The following ZBTB10 variants were observed in gnomAD, a reference collection of about 807,000 sequenced individuals.
ZBTB10 encodes zinc finger and BTB domain-containing protein 10.
A neutral mutation model predicts 76.4 loss-of-function variants in ZBTB10; 32 were observed. That is an observed-to-expected ratio of 0.42 (90% CI 0.32 to 0.56). The LOEUF (loss-of-function observed/expected upper bound fraction) is 0.56, where lower values mean the gene tolerates loss of function less well. ZBTB10 is among the 20% of genes least tolerant of loss of function. The probability of loss-of-function intolerance (pLI) is 0.14; values close to 1 mark genes in which losing one functional copy is unlikely to be tolerated. For synonymous variants in ZBTB10, 523 were observed against 432.9 expected (o/e 1.21, Z -2.58); for missense variants, 1,057 against 1,098.5 (o/e 0.96, Z 0.53).
At position 80,517,871 on chromosome 8, in the gene ZBTB10, C is replaced by CTTTTT. The variant is rs773074047; in HGVS notation, c.1961-511_1961-507dup. On this transcript the variant is annotated intron_variant, in intron 3 of 5. Transcript: ENST00000455036. ...CATGTTTTTTTCTCCCGCCCGCCAC[C>CTTTTT]TTTTTTTTTTTTTTTTTTTTTTTTT... Among the ~76,000 whole-genome samples, 407 of 76,836 alleles carry CTTTTT rather than the reference C, an allele frequency of 5.3e-3. 31 individuals are homozygous for CTTTTT. The highest frequency in any genetic ancestry group is 0.021 in the African/African-American group (350 of 16,580). The allele number at this position is 76,836 out of a possible 152,430, so 50.4% of individuals were successfully genotyped here. A position where few individuals can be genotyped will look rare whatever the true frequency, so the allele number is the denominator to read the frequency against.
intron 1 of ZBTB10, among the ~76,000 whole-genome samples, chr8:80,490,448 G>C (rs952126290): frequency 1.3e-5 from 2 of 152,028 alleles, no homozygotes; most frequent in African/African-American, 4.8e-5. Context: ...TGTTGCCCAG[G>C]CTGGTCTCAA....
chr8:80,494,126 A>G (rs1361708881), intron 1 of ZBTB10, among the ~76,000 whole-genome samples: 1 of 152,206 alleles, frequency 6.6e-6, no homozygotes, highest in Non-Finnish European at 1.5e-5. Flanking sequence ...TTGTTCTTTC[A>G]GTATATTCCA....
intron 1 of ZBTB10, among the ~76,000 whole-genome samples, chr8:80,493,202 C>T (rs1160648082): frequency 3.4e-5 from 4 of 119,314 alleles, no homozygotes; most frequent in Non-Finnish European, 5.2e-5. Context: ...AACGCGCGCG[C>T]GCGCGCACAC....
At chr8:80,486,155 CGG>C (rs1231248134), upstream of ZBTB10, 1 of 912,028 alleles carries the variant, frequency 1.1e-6, no homozygotes, top group Non-Finnish European at 1.4e-6. Flanking sequence ...TCCCCCAGCC[CGG>C]CCCCCACCCT....
upstream of ZBTB10, chr8:80,486,098 C>T (rs1467765790): frequency 4.7e-6 from 3 of 642,060 alleles, no homozygotes; most frequent in East Asian, 1.2e-4. Context: ...TTCCCGGTCC[C>T]CTGGCGCCCC....
Position 80,518,427 on chromosome 8 carries a change from G to A in ZBTB10, c.1985G>A (p.Gly662Asp), listed in dbSNP as rs377539075. 6.4e-7 allele frequency: 1 copy of A among 1,551,470 alleles called. No individual in the cohort carries two copies. Among genetic ancestry groups the A allele is most frequent in the African/African-American group, 1.4e-5 (1 of 73,086 alleles). The change falls in exon 4 of 6, where the codon GGT becomes GAT. Residue 662 changes from glycine (G) to aspartate (D), a missense_variant. By Grantham distance (94) the Gly-to-Asp change is moderately conservative. Around this residue, in one of 5 missense-constraint regions of ZBTB10, gnomAD observed 306 missense variants for 297.5 expected, o/e 1.03. Coordinates refer to ENST00000455036, the MANE Select transcript of ZBTB10 (RefSeq NM_001105539.3). ...DAGTSHDFKY[G>D]LMPGPSNDFK... ...GGTACTTCACATGATTTCAAGTATGGTTTGATGCCTGGTCCTTCAAATGAT... is the reference window on the plus strand; with the variant it reads ...GGTACTTCACATGATTTCAAGTATGATTTGATGCCTGGTCCTTCAAATGAT...
chr8:80,498,853 A>G (rs1815852211), intron 1 of ZBTB10, among the ~76,000 whole-genome samples: 2 of 152,360 alleles, frequency 1.3e-5, no homozygotes, highest in African/African-American at 2.4e-5. Flanking sequence ...TACAGTTTAT[A>G]GTACTTATGA....
chr8:80,514,781 TTA>T (rs1238505323), intron 3 of ZBTB10, among the ~76,000 whole-genome samples: 2 of 152,172 alleles, frequency 1.3e-5, no homozygotes, highest in Non-Finnish European at 2.9e-5. Context: ...CTTAGTGCCA[TTA>T]AAAAGAGCAC....
chr8:80,491,642 G>A (rs984520553), intron 1 of ZBTB10, among the ~76,000 whole-genome samples: 94 of 152,244 alleles, frequency 6.2e-4, no homozygotes, highest in African/African-American at 2.2e-3. Flanking sequence ...AAGGATGTGA[G>A]GGACAATTAA....
chr8:80,486,954 G>A lies in ZBTB10; in HGVS notation c.144G>A (p.Pro48=), dbSNP rs1815481461. 6.6e-7 allele frequency: 1 copy of A among 1,511,350 alleles called. No individual in the cohort carries two copies. Among genetic ancestry groups the A allele is most frequent in the Non-Finnish European group, 8.8e-7 (1 of 1,134,948 alleles). 93.6% of individuals were successfully genotyped at this position (1,511,350 alleles called of 1,614,324 possible). A position where few individuals can be genotyped will look rare whatever the true frequency, so the allele number is the denominator to read the frequency against. The part of the protein sequence containing the change: ...WPPQPQPRQP[P]PPAPPALQPP... ...CGCAGCCCCAGCCGAGACAGCCCCC[G>A]CCGCCAGCGCCGCCCGCGCTTCAGC... Residue 48 remains proline, a synonymous_variant, in exon 1 of 6, where the codon CCG becomes CCA. Coordinates refer to ENST00000455036, the MANE Select transcript of ZBTB10 (RefSeq NM_001105539.3).
chr8:80,490,004 A>G (rs1032860182), intron 1 of ZBTB10, among the ~76,000 whole-genome samples: 2 of 152,206 alleles, frequency 1.3e-5, no homozygotes, highest in Non-Finnish European at 2.9e-5. Context: ...AACATGAGTA[A>G]CAGGTTCCTG....
In ZBTB10 at chr8:80,523,454, G is replaced by A. The variant is rs1196697821; in HGVS notation, c.*3926G>A. On this transcript the variant is annotated 3_prime_UTR_variant, in exon 6 of 6. Coordinates refer to ENST00000455036, the MANE Select transcript of ZBTB10 (RefSeq NM_001105539.3). ...GTAGCACATGCTCTTAACTGGCTGT[G>A]GCATTTTAATTTTATAAAAGAATGG... The A allele has an allele frequency of 4.6e-5, 7 of 151,742 alleles. No homozygotes were observed. Among genetic ancestry groups the A allele is most frequent in the Non-Finnish European group, 1.0e-4 (7 of 67,858 alleles). 9.4% of individuals were successfully genotyped at this position (151,742 alleles called of 1,614,324 possible).
intron 1 of ZBTB10, among the ~76,000 whole-genome samples, chr8:80,496,817 A>G (rs989767505): frequency 6.6e-6 from 1 of 152,222 alleles, no homozygotes; most frequent in Non-Finnish European, 1.5e-5. Flanking sequence ...CAAACAGTTC[A>G]TAGATATATG....
At position 80,513,895 on chromosome 8, in the gene ZBTB10, A is replaced by G. The variant is rs373501421; in HGVS notation, c.1862-15A>G. The G allele has an allele frequency of 5.4e-5, 87 of 1,610,252 alleles. No individual in the cohort carries two copies. Among genetic ancestry groups the G allele is most frequent in the Middle Eastern group, 3.3e-4 (2 of 6,078 alleles). On this transcript the variant is annotated splice_polypyrimidine_tract_variant and intron_variant, in intron 2 of 5. Coordinates refer to ENST00000455036, the MANE Select transcript of ZBTB10 (RefSeq NM_001105539.3). ...GTGTGGTTTGTAGATAAATTTTTCT[A>G]TGTTTCCTTTTCAGATTTAGATGGT... is the stretch of plus-strand genomic sequence containing the variant.
intron 2 of ZBTB10, among the ~76,000 whole-genome samples, chr8:80,510,903 T>C (rs1323463941): frequency 3.9e-5 from 6 of 152,218 alleles, no homozygotes; most frequent in Non-Finnish European, 8.8e-5. Flanking sequence ...GACCAAGAGT[T>C]GCTATCATGC....
At position 80,522,322 on chromosome 8, in the gene ZBTB10, A is replaced by G. The variant is rs912325214; in HGVS notation, c.*2794A>G. On this transcript the variant is annotated 3_prime_UTR_variant, in exon 6 of 6. Coordinates refer to ENST00000455036, the MANE Select transcript of ZBTB10 (RefSeq NM_001105539.3). ...GCAGAATTATGTTACACATTTGGCG[A>G]AGTTGTCTCTTGTAATTTATATTTT... is the stretch of plus-strand genomic sequence containing the variant. 5 of 151,886 alleles carry G rather than the reference A, an allele frequency of 3.3e-5. No individual in the cohort carries two copies. Among genetic ancestry groups the G allele is most frequent in the African/African-American group, 1.2e-4 (5 of 41,406 alleles). The allele number at this position is 151,886 out of a possible 1,614,324, so 9.4% of individuals were successfully genotyped here.
At chr8:80,507,676 C>G (rs1473669447) in intron 2 of ZBTB10, among the ~76,000 whole-genome samples, 1 of 152,120 alleles carries the variant, frequency 6.6e-6, no homozygotes, top group Admixed American at 6.5e-5. Flanking sequence ...ACTGCAGCCT[C>G]AAATCCCTGG....
Position 80,500,257 on chromosome 8 carries a change from A to G in ZBTB10, c.1736A>G (p.Gln579Arg). 22 of 1,581,360 alleles carry G rather than the reference A, an allele frequency of 1.4e-5. No individual in the cohort carries two copies. The highest frequency in any genetic ancestry group is 1.8e-5 in the Non-Finnish European group (21 of 1,162,962). Reference sequence around the variant, plus strand: ...ACTGGCAAAACAAGGAGGAAAAACCAAACTACAAAAAGATTTATTTATAAT... The same window carrying G: ...ACTGGCAAAACAAGGAGGAAAAACCGAACTACAAAAAGATTTATTTATAAT... The part of the protein sequence containing the change: ...QETGKTRRKN[Q>R]TTKRFIYNIP... The change falls in exon 2 of 6, where the codon CAA (glutamine) becomes CGA (arginine). Residue 579 changes from glutamine (Q) to arginine (R), a missense_variant. Gln to Arg is a conservative substitution (Grantham distance 43). Coordinates refer to ENST00000455036, the MANE Select transcript of ZBTB10 (RefSeq NM_001105539.3).
intron 2 of ZBTB10, among the ~76,000 whole-genome samples, chr8:80,510,659 TG>T (rs1816167853): frequency 5.3e-5 from 8 of 151,732 alleles, no homozygotes; most frequent in Non-Finnish European, 1.0e-4. Flanking sequence ...TGTGTGTGTG[TG>T]TGTGTGTGTG....
Sources: gnomAD v4.1 joint callset for allele counts (sites outside exome capture counted in the v4.1 genomes callset) on GRCh38, gnomAD v4.1.1 for gene constraint, gnomAD v4.1.1 regional missense constraint, MANE v1.5 for transcripts, NCBI Gene and HGNC (gene_info 2026-07-23, HGNC 2026-07-21) for gene names.